EXOC4: variants seen among roughly 807,000 people sequenced by gnomAD.
The protein encoded by EXOC4 is SEC8-like 1.
EXOC4 carries 71 observed loss-of-function variants against 107.2 expected under a neutral mutation model. The ratio of observed to expected loss-of-function variants is 0.66; its 90% CI spans 0.55 to 0.81. The LOEUF (loss-of-function observed/expected upper bound fraction) is 0.81. Ranked by LOEUF, EXOC4 falls within the 30% of genes least tolerant of loss-of-function variation. The pLI, the probability that EXOC4 is intolerant of heterozygous loss-of-function variation, is 0.00. For synonymous variants in EXOC4, 456 were observed against 441.2 expected (o/e 1.03, Z -0.42); for missense variants, 1,108 against 1,189.6 (o/e 0.93, Z 1.01).
At position 133,726,161 on chromosome 7, in the gene EXOC4, TCTC is replaced by T. The variant is rs532631570; in HGVS notation, c.1515-91161_1515-91159del. 3.4e-4 allele frequency among the ~76,000 whole-genome samples: 51 copies of T among 152,152 alleles called. 1 individual carries two copies. Among genetic ancestry groups the T allele is most frequent in the Admixed American group, 3.1e-3 (47 of 15,290 alleles). On this transcript the variant is annotated intron_variant, in intron 10 of 17. Coordinates refer to ENST00000253861, the MANE Select transcript of EXOC4 (RefSeq NM_021807.4). ...ATTAAAACCATGGGTAGGAATAAGA[TCTC>T]CTAGAGAGAGAATTTGACAAAGAAG...
intron 10 of EXOC4, among the ~76,000 whole-genome samples, chr7:133,634,045 C>A (rs1802650226): frequency 6.6e-6 from 1 of 152,188 alleles, no homozygotes; most frequent in African/African-American, 2.4e-5. Context: ...TCTATATTGA[C>A]AATTCCAACC....
At chr7:133,297,557 C>G (rs1212781955) in intron 3 of EXOC4, among the ~76,000 whole-genome samples, 2 of 152,148 alleles carry the variant, frequency 1.3e-5, no homozygotes, top group Admixed American at 1.3e-4. Context: ...TACATTATCT[C>G]TCTGTTTTAG....
chr7:133,507,948 T>C (rs979611649), intron 9 of EXOC4, among the ~76,000 whole-genome samples: 1 of 151,912 alleles, frequency 6.6e-6, no homozygotes, highest in Non-Finnish European at 1.5e-5. Flanking sequence ...GTAATCCAGC[T>C]ACTCAGGAGG....
At chr7:134,089,494 G>A in the EXOC4 span, among the ~76,000 whole-genome samples, 1 of 152,142 alleles carries the variant, frequency 6.6e-6, no homozygotes, top group African/African-American at 2.4e-5. Context: ...CAGAAGTGCA[G>A]ATAAGTCCTG....
intron 12 of EXOC4, among the ~76,000 whole-genome samples, chr7:133,899,217 C>T (rs982881504): frequency 2.6e-5 from 4 of 151,928 alleles, no homozygotes; most frequent in African/African-American, 9.7e-5. Flanking sequence ...TGTTGCGTAA[C>T]CTGACCATGA....
intron 9 of EXOC4, among the ~76,000 whole-genome samples, chr7:133,545,497 A>G (rs890186557): frequency 6.6e-6 from 1 of 152,176 alleles, no homozygotes; most frequent in African/African-American, 2.4e-5. Context: ...ATTAAATGCC[A>G]TATCTTGATT....
chr7:133,917,485 A>G, intron 12 of EXOC4, 98 bp from the exon 13 acceptor site: 2 of 1,157,982 alleles, frequency 1.7e-6, no homozygotes, highest in Non-Finnish European at 2.5e-6. Context: ...AGGAGAGATG[A>G]GTGTGATTTC....
intron 14 of EXOC4, among the ~76,000 whole-genome samples, chr7:133,948,762 T>C (rs761817026): frequency 6.6e-6 from 1 of 152,208 alleles, no homozygotes; most frequent in Non-Finnish European, 1.5e-5. Context: ...TTACAAGGCA[T>C]GAGCATGAAA....
intron 14 of EXOC4, among the ~76,000 whole-genome samples, chr7:133,960,091 G>A (rs908869972): frequency 5.9e-5 from 9 of 152,210 alleles, no homozygotes; most frequent in Non-Finnish European, 1.3e-4. Context: ...CTCTGCCACA[G>A]GCCTAGGAAG....
chr7:133,299,130 A>C (rs10232504), intron 3 of EXOC4, among the ~76,000 whole-genome samples: 53,127 of 151,706 alleles, frequency 0.35, 11,910 homozygotes, highest in African/African-American at 0.65. Context: ...ATATGATGAT[A>C]TTTTTCTTTT....
At chr7:133,679,792 T>A (rs1177019536) in intron 10 of EXOC4, among the ~76,000 whole-genome samples, 3 of 152,240 alleles carry the variant, frequency 2.0e-5, no homozygotes, top group Non-Finnish European at 4.4e-5. Flanking sequence ...TGTAGAATGT[T>A]AAAGCTAAAA....
chr7:133,631,405 A>G (rs951799212), intron 10 of EXOC4, among the ~76,000 whole-genome samples: 9 of 152,146 alleles, frequency 5.9e-5, no homozygotes, highest in Admixed American at 2.0e-4. Flanking sequence ...AATTGATACC[A>G]TTAGAACTAA....
At chr7:133,593,407 T>A (rs572540259) in intron 9 of EXOC4, among the ~76,000 whole-genome samples, 1 of 152,340 alleles carries the variant, frequency 6.6e-6, no homozygotes, top group South Asian at 2.1e-4. Flanking sequence ...CTTCAGAGTC[T>A]AGCAGAATCC....
chr7:133,267,323 C>G (rs993843318), intron 1 of EXOC4, among the ~76,000 whole-genome samples: 9 of 152,150 alleles, frequency 5.9e-5, no homozygotes, highest in African/African-American at 1.2e-4. Context: ...CTCCTTGATT[C>G]ATTTCCTGTC....
At chr7:133,506,986 C>A (rs1446206875) in intron 9 of EXOC4, among the ~76,000 whole-genome samples, 1 of 151,602 alleles carries the variant, frequency 6.6e-6, no homozygotes, top group Non-Finnish European at 1.5e-5. Context: ...AATACTTTTC[C>A]TCCTAGTCAG....
intron 7 of EXOC4, among the ~76,000 whole-genome samples, chr7:133,412,202 C>A (rs1336825809): frequency 7.0e-6 from 1 of 141,998 alleles, no homozygotes; most frequent in East Asian, 2.2e-4. Flanking sequence ...ATTGGGCAAT[C>A]TAAATTTAAG....
chr7:133,933,759 C>T (rs1800233772), intron 13 of EXOC4, among the ~76,000 whole-genome samples: 1 of 152,170 alleles, frequency 6.6e-6, no homozygotes, highest in East Asian at 1.9e-4. Flanking sequence ...CGCCCATTGC[C>T]TCCCACCTTG....
chr7:133,281,516 G>A (rs1232427016), intron 2 of EXOC4, among the ~76,000 whole-genome samples: 1 of 151,732 alleles, frequency 6.6e-6, no homozygotes, highest in Non-Finnish European at 1.5e-5. Context: ...AATTAAGAAT[G>A]ATGTCGACAC....
chr7:133,608,652 C>T (rs530090714), intron 9 of EXOC4, among the ~76,000 whole-genome samples: 7 of 144,642 alleles, frequency 4.8e-5, no homozygotes, highest in South Asian at 2.2e-4. Context: ...CTGGTTCAAG[C>T]GATTCTCCTG....
Sources: gnomAD v4.1 joint callset for allele counts (sites outside exome capture counted in the v4.1 genomes callset) on GRCh38, gnomAD v4.1.1 for gene constraint, MANE v1.5 for transcripts, NCBI Gene and HGNC (gene_info 2026-07-23, HGNC 2026-07-21) for gene names.